The following SETD5 variants were observed in gnomAD, a reference collection of about 807,000 sequenced individuals.
SETD5 encodes the protein SET domain containing 5, also known as histone-lysine N-methyltransferase SETD5.
Under a neutral mutation model 153.3 loss-of-function variants are expected in SETD5, and 44 were observed. That is an observed-to-expected ratio of 0.29 (90% CI 0.23 to 0.37). The LOEUF is 0.37. Ranked by LOEUF, SETD5 falls within the 10% of genes least tolerant of loss-of-function variation. SETD5 has a pLI of 1.00. For missense variants in SETD5, 1,544 were observed against 1,768.0 expected (o/e 0.87, Z 2.27); for synonymous variants, 716 against 645.2 (o/e 1.11, Z -1.66).
In SETD5 at chr3:9,447,931, G is replaced by A. The variant is rs1283359903; in HGVS notation, c.2028G>A (p.Gly676=). Residue 676 remains glycine (G), a synonymous_variant, in exon 15 of 23, where the codon GGG becomes GGA. Coordinates refer to ENST00000402198, the MANE Select transcript of SETD5 (RefSeq NM_001080517.3). ...CAGGAGAAAACAGGCCATTAACAGGGTCTGACCCAACTGTGGTGTCAATTA... is the reference window on the plus strand; with the variant it reads ...CAGGAGAAAACAGGCCATTAACAGGATCTGACCCAACTGTGGTGTCAATTA... The part of the protein sequence containing the change: ...DSSGENRPLT[G]SDPTVVSITG... The A allele has an allele frequency of 1.2e-6, 2 of 1,613,860 alleles. No homozygotes were observed. Among genetic ancestry groups the A allele is most frequent in the Non-Finnish European group, 1.7e-6 (2 of 1,179,846 alleles).
intron 7 of SETD5, among the ~76,000 whole-genome samples, chr3:9,437,522 C>CGTGTGTGTGTGTGT (rs6147703): frequency 0.025 from 3,558 of 145,074 alleles, 66 homozygotes; most frequent in South Asian, 0.039. Flanking sequence ...TCCTCCTTTA[C>CGTGTGTGTGTGTGT]GTGTGTGTGT....
At chr3:9,429,516 C>T (rs997063603) in intron 3 of SETD5, among the ~76,000 whole-genome samples, 2 of 152,092 alleles carry the variant, frequency 1.3e-5, no homozygotes, top group South Asian at 2.1e-4. Context: ...TTATAATATT[C>T]GTTGCCTAGA....
intron 11 of SETD5, among the ~76,000 whole-genome samples, chr3:9,444,006 A>G (rs1337840906): frequency 6.6e-6 from 1 of 152,172 alleles, no homozygotes; most frequent in South Asian, 2.1e-4. Flanking sequence ...AGGCTGCAGT[A>G]AGCCAAGATC....
At chr3:9,441,995 C>T (rs975855903) in intron 9 of SETD5, 133 bp from the exon 10 acceptor site, 80 of 738,706 alleles carry the variant, frequency 1.1e-4, no homozygotes, top group Non-Finnish European at 1.6e-4. Context: ...AGCAGACAAA[C>T]GTGATGCTTT....
intron 1 of SETD5, among the ~76,000 whole-genome samples, chr3:9,417,741 T>C (rs962188418): frequency 5.3e-5 from 8 of 151,748 alleles, no homozygotes; most frequent in African/African-American, 1.9e-4. Context: ...CGCCTCGGCC[T>C]CCCAAAGTGC....
Position 9,474,478 on chromosome 3 carries a change from G to A in SETD5, c.3527G>A (p.Arg1176Gln), listed in dbSNP as rs1482547316. 1.2e-6 allele frequency: 2 copies of A among 1,613,862 alleles called. No homozygotes were observed. Among genetic ancestry groups the A allele is most frequent in the African/African-American group, 1.3e-5 (1 of 74,928 alleles). ...WMVPTSVERL[R>Q]EGGSIPKVLR... ...GTTCCCACATCAGTAGAACGACTCC[G>A]AGAAGGAGGGAGCATCCCCAAGGTC... The change falls in exon 21 of 23, where the codon CGA (arginine) becomes CAA (glutamine). Residue 1176 changes from arginine to glutamine, a missense_variant. By Grantham distance (43) the Arg-to-Gln change is conservative (BLOSUM62 1). Coordinates refer to ENST00000402198, the MANE Select transcript of SETD5 (RefSeq NM_001080517.3).
chr3:9,417,382 T>G (rs1044400810), intron 1 of SETD5, among the ~76,000 whole-genome samples: 3 of 152,148 alleles, frequency 2.0e-5, no homozygotes, highest in African/African-American at 7.2e-5. Flanking sequence ...ATTTGGACCA[T>G]GTGGGTGTCA....
chr3:9,409,402 T>C (rs1375367129), intron 1 of SETD5, among the ~76,000 whole-genome samples: 1 of 152,194 alleles, frequency 6.6e-6, no homozygotes, highest in East Asian at 1.9e-4. Context: ...TGAAGTATTA[T>C]TATTGTGTAC....
At chr3:9,398,980 T>C (rs1185124168) in intron 1 of SETD5, among the ~76,000 whole-genome samples, 3 of 152,224 alleles carry the variant, frequency 2.0e-5, no homozygotes, top group Non-Finnish European at 4.4e-5. Flanking sequence ...ACTTGTGCAA[T>C]GTATTCACCG....
chr3:9,406,607 C>CAAAAAAAAAAAA (rs746999028), intron 1 of SETD5, among the ~76,000 whole-genome samples: 28 of 99,186 alleles, frequency 2.8e-4, no homozygotes, highest in East Asian at 1.3e-3. Flanking sequence ...GACTCTGTCT[C>CAAAAAAAAAAAA]AAAAAAAAAA....
intron 3 of SETD5, chr3:9,430,251 A>G (rs1279364404): frequency 1.0e-6 from 1 of 984,708 alleles, no homozygotes; most frequent in East Asian, 1.1e-4. Context: ...AATATAACTT[A>G]CCTGTTTACT....
intron 9 of SETD5, 35 bp from the exon 10 acceptor site, chr3:9,442,093 G>T (rs756141782): frequency 3.1e-5 from 45 of 1,436,646 alleles, no homozygotes; most frequent in Non-Finnish European, 1.9e-6. Flanking sequence ...TCTTATTTGT[G>T]TTGAGAATTA....
intron 1 of SETD5, among the ~76,000 whole-genome samples, chr3:9,421,783 T>A (rs2038446934): frequency 6.6e-6 from 1 of 152,164 alleles, no homozygotes; most frequent in Non-Finnish European, 1.5e-5. Context: ...TATTCATTTA[T>A]TGACCTATTA....
intron 19 of SETD5, among the ~76,000 whole-genome samples, chr3:9,472,828 G>A (rs912154055): frequency 1.1e-4 from 17 of 152,066 alleles, no homozygotes; most frequent in African/African-American, 4.1e-4. Flanking sequence ...AGTCACCTGG[G>A]AGGCTTTTTA....
chr3:9,442,632 T>C (rs1001073244), intron 10 of SETD5, among the ~76,000 whole-genome samples: 2 of 152,162 alleles, frequency 1.3e-5, no homozygotes, highest in Admixed American at 1.3e-4. Context: ...ATCTAGACAT[T>C]TCTAGAATTC....
chr3:9,438,729 T>C (rs1210119159), intron 7 of SETD5, among the ~76,000 whole-genome samples: 2 of 152,202 alleles, frequency 1.3e-5, no homozygotes, highest in African/African-American at 4.8e-5. Flanking sequence ...GGTTTCTCAG[T>C]CTTGACACTG....
intron 17 of SETD5, chr3:9,454,094 T>TA (rs2042932146): frequency 3.6e-6 from 1 of 275,618 alleles, no homozygotes; most frequent in Non-Finnish European, 6.5e-6. Context: ...GAAATGGTTA[T>TA]AAAAAAGGTT....
chr3:9,464,386 T>A, intron 17 of SETD5, 39 bp from the exon 18 acceptor site: 1 of 1,587,572 alleles, frequency 6.3e-7, no homozygotes, highest in Non-Finnish European at 8.6e-7. Context: ...TAAATTAATC[T>A]GTGGTTTCAA....
intron 17 of SETD5, 126 bp downstream of exon 17, chr3:9,453,994 T>A: frequency 8.8e-7 from 1 of 1,138,286 alleles, no homozygotes; most frequent in Non-Finnish European, 1.2e-6. Context: ...ACTTTACATC[T>A]GTCTTTACAG....
Sources: gnomAD v4.1 joint callset for allele counts (sites outside exome capture counted in the v4.1 genomes callset) on GRCh38, gnomAD v4.1.1 for gene constraint, MANE v1.5 for transcripts, NCBI Gene and HGNC (gene_info 2026-07-23, HGNC 2026-07-21) for gene names.